The following PPEF2 variants were observed in gnomAD, a reference collection of about 807,000 sequenced individuals.
PPEF2 encodes protein phosphatase with EF-hand domain 2, also known as serine/threonine-protein phosphatase with EF-hands 2.
Under a neutral mutation model 84.7 loss-of-function variants are expected in PPEF2, and 84 were observed. That is an observed-to-expected ratio of 0.99 (90% CI 0.83 to 1.19). The LOEUF (loss-of-function observed/expected upper bound fraction) is 1.19. Among genes scored for constraint, PPEF2 ranks in the 50% most tolerant of loss-of-function variants. PPEF2 has a pLI of 0.00. For missense variants in PPEF2, 924 were observed against 937.5 expected, an observed-to-expected ratio of 0.99 and a Z score of 0.19; for synonymous variants, 346 against 345.2, an observed-to-expected ratio of 1.00 and a Z score of -0.03.
In PPEF2 at chr4:75,876,346, A is replaced by G. The variant is rs1013767100; in HGVS notation, c.1261T>C (p.Ser421Pro). The G allele has an allele frequency of 6.2e-7, 1 of 1,613,872 alleles. No homozygotes were observed. The highest frequency in any genetic ancestry group is 2.2e-5 in the East Asian group (1 of 44,856). ...GEKEEPSRSASEADSEAGELR... is the reference protein window; with the variant it reads ...GEKEEPSRSAPEADSEAGELR... ...TCTCCGGCTTCAGAGTCTGCTTCTG[A>G]GGCTGAGCGGGAGGGCTCCTCTTTC... The change falls in exon 11 of 17, where the codon TCA becomes CCA. Residue 421 changes from serine (S) to proline (P), a missense_variant. Ser to Pro is a moderately conservative substitution (Grantham distance 74, BLOSUM62 -1). Transcript: ENST00000286719.
rs1409416099 is a variant in PPEF2 at position 75,860,905 on chromosome 4, T to A, written c.2024A>T (p.Asp675Val). The change falls in exon 17 of 17, where the codon GAC (aspartate) becomes GTC (valine). Residue 675 changes from aspartate to valine, a missense_variant. Transcript: ENST00000286719. ...CAGCTTCCAGGTCTGCCTGAACTCG[T>A]CCAGTGAGATGAACCCTTATCAGAG... is the stretch of plus-strand genomic sequence containing the variant. Reference protein sequence around the residue: ...DSDHSGFISLDEFRQTWKLFS... With the variant: ...DSDHSGFISLVEFRQTWKLFS... 1 of 1,613,942 alleles carries A rather than the reference T, an allele frequency of 6.2e-7. No homozygotes were observed. Among genetic ancestry groups the A allele is most frequent in the Non-Finnish European group, 8.5e-7 (1 of 1,179,908 alleles).
At chr4:75,883,545 A>G (rs890782256) in intron 8 of PPEF2, 2 of 238,242 alleles carry the variant, frequency 8.4e-6, no homozygotes, top group Admixed American at 5.1e-5. Context: ...TGGGCTGGGC[A>G]TGGTGGCTCA....
intron 10 of PPEF2, among the ~76,000 whole-genome samples, chr4:75,877,714 C>T (rs1197340701): frequency 2.7e-5 from 4 of 150,420 alleles, no homozygotes; most frequent in African/African-American, 7.3e-5. Flanking sequence ...GGGGTATATG[C>T]GAAGGTTTTT....
intron 13 of PPEF2, among the ~76,000 whole-genome samples, chr4:75,870,774 T>C (rs989514057): frequency 6.6e-6 from 1 of 152,158 alleles, no homozygotes; most frequent in African/African-American, 2.4e-5. Context: ...TTAATAACAA[T>C]ATCTGTTGCA....
At chr4:75,883,847 G>A (rs13132374) in intron 8 of PPEF2, among the ~76,000 whole-genome samples, 109,776 of 126,672 alleles carry the variant, frequency 0.87, 50,477 homozygotes, top group Non-Finnish European at 0.99. Flanking sequence ...AAAAAAATCT[G>A]GGCTGGACAC....
chr4:75,866,442 T>C (rs1724133248), intron 14 of PPEF2, 90 bp from the exon 15 acceptor site: 1 of 1,474,502 alleles, frequency 6.8e-7, no homozygotes, highest in Non-Finnish European at 9.3e-7. Flanking sequence ...ACATCCTTCT[T>C]ACTATCTGCA....
intron 16 of PPEF2, among the ~76,000 whole-genome samples, chr4:75,862,881 C>G (rs1724039857): frequency 6.6e-6 from 1 of 152,078 alleles, no homozygotes; most frequent in Non-Finnish European, 1.5e-5. Context: ...TCATAATAGC[C>G]AAAAGTAGAA....
At chr4:75,891,141 A>T (rs1318997000) in intron 4 of PPEF2, among the ~76,000 whole-genome samples, 1 of 151,564 alleles carries the variant, frequency 6.6e-6, no homozygotes, top group Non-Finnish European at 1.5e-5. Flanking sequence ...AGATCATGCC[A>T]CTGCACTCCA....
chr4:75,893,862 C>CTT (rs6148525), intron 2 of PPEF2, among the ~76,000 whole-genome samples: 72,913 of 148,614 alleles, frequency 0.49, 20,025 homozygotes, highest in East Asian at 0.97. Context: ...TTTCATTCTC[C>CTT]CTCTTTTTTT....
In PPEF2 at chr4:75,902,425, A is replaced by G. The variant is rs1178929304; in HGVS notation, c.-254T>C. ...GTCTTCTTCCTGAAAAGCAATGGTG[A>G]CATTCACAGCCCTGGCCAAGTATTC... On this transcript the variant is annotated 5_prime_UTR_variant, in exon 1 of 17. Coordinates refer to ENST00000286719, the MANE Select transcript of PPEF2 (RefSeq NM_006239.3). The G allele has an allele frequency of 2.0e-5, 3 of 152,300 alleles. No homozygotes were observed. The highest frequency in any genetic ancestry group is 2.9e-5 in the Non-Finnish European group (2 of 68,102). 9.4% of individuals were successfully genotyped at this position (152,300 alleles called of 1,614,324 possible). A position where few individuals can be genotyped will look rare whatever the true frequency, so the allele number is the denominator to read the frequency against.
rs1725140055 is a variant in PPEF2, at chr4:75,902,315, C to T, written c.-144G>A. The stretch of plus-strand genomic sequence containing the variant: ...GCAGGCGTGATCCCCATCCTGTCTT[C>T]AGAGTTGGCTGAGGGATCCCAGGCT... On this transcript the variant is annotated 5_prime_UTR_variant, in exon 1 of 17. Coordinates refer to ENST00000286719, the MANE Select transcript of PPEF2 (RefSeq NM_006239.3). 6.6e-6 allele frequency: 1 copy of T among 152,236 alleles called. No individual in the cohort carries two copies. Among genetic ancestry groups the T allele is most frequent in the Admixed American group, 6.5e-5 (1 of 15,284 alleles). The allele number at this position is 152,236 out of a possible 1,614,324, so 9.4% of individuals were successfully genotyped here.
At position 75,860,696 on chromosome 4, in the gene PPEF2, T is replaced by A; in HGVS notation, c.2233A>T (p.Ser745Cys). Residue 745 changes from serine to cysteine, a missense_variant, in exon 17 of 17, where the codon AGT becomes TGT. Transcript: ENST00000286719. ...TGTGCACCTGGACTGCTGCAGCCAC[T>A]GTCTTTAGCATTTGTAGCTTGTGGG... is the stretch of plus-strand genomic sequence containing the variant. ...ECPQATNAKD[S>C]GCSSPGAH The A allele has an allele frequency of 2.5e-6, 4 of 1,614,226 alleles. No individual in the cohort carries two copies. The highest frequency in any genetic ancestry group is 3.4e-6 in the Non-Finnish European group (4 of 1,180,040).
In PPEF2 at chr4:75,860,821, C is replaced by T; in HGVS notation, c.2108G>A (p.Ser703Asn). The T allele has an allele frequency of 3.1e-6, 5 of 1,614,242 alleles. No individual in the cohort carries two copies. The highest frequency in any genetic ancestry group is 2.2e-5 in the East Asian group (1 of 44,882). The change falls in exon 17 of 17, where the codon AGC (serine) becomes AAC (asparagine). Residue 703 changes from serine to asparagine, a missense_variant. Ser to Asn is a conservative substitution (Grantham distance 46). Coordinates refer to ENST00000286719, the MANE Select transcript of PPEF2 (RefSeq NM_006239.3). Reference sequence around the variant, plus strand: ...GTGGCCATCTTTGTTGAAATCAATGCTCCGAGCAAGGTCACAGATGCAGTC... The same window carrying T: ...GTGGCCATCTTTGTTGAAATCAATGTTCCGAGCAAGGTCACAGATGCAGTC... ...TDDCICDLAR[S>N]IDFNKDGHID...
At chr4:75,884,300 T>C (rs1295364113) in intron 8 of PPEF2, among the ~76,000 whole-genome samples, 1 of 151,926 alleles carries the variant, frequency 6.6e-6, no homozygotes. Flanking sequence ...TGGTGGTGCG[T>C]GCCTGTAATC....
At position 75,864,311 on chromosome 4, in the gene PPEF2, C is replaced by T. The variant is rs1029520713; in HGVS notation, c.2008+129G>A. The T allele has an allele frequency of 4.3e-6, 3 of 703,620 alleles. No homozygotes were observed. The African/African-American group carries it at 5.4e-5, about 13-fold the overall frequency. The allele number at this position is 703,620 out of a possible 1,614,324, so 43.6% of individuals were successfully genotyped here. On this transcript the variant is annotated intron_variant, in intron 16 of 16. Coordinates refer to ENST00000286719, the MANE Select transcript of PPEF2 (RefSeq NM_006239.3). ...TCCTAGTTTCTGTCATTTATAAGCA[C>T]TAATCTTCTTACCTTGCTCTCCAAA...
chr4:75,896,320 T>C lies in PPEF2; in HGVS notation c.6A>G (p.Gly2=), dbSNP rs1313768678. ...AATGATGTTGGGTGGAGGTGCCGCT[T>C]CCCATAGTTTAAGCGCAATGCTCCT... is the stretch of plus-strand genomic sequence containing the variant. M[G]SGTSTQHHFA... is the part of the protein sequence containing the mutation. Residue 2 remains glycine (G), a synonymous_variant, in exon 2 of 17, where the codon GGA becomes GGG. Transcript: ENST00000286719. 6.2e-7 allele frequency: 1 copy of C among 1,614,148 alleles called. No homozygotes were observed. Among genetic ancestry groups the C allele is most frequent in the Admixed American group, 1.7e-5 (1 of 60,020 alleles).
chr4:75,876,529 G>A lies in PPEF2; in HGVS notation c.1078C>T (p.Arg360Trp), dbSNP rs267600259. ...TTCTGGGCCTTGTAGGAGCCAAGCC[G>A]AAGGGGCGAAGAGGGAAGAGAGCGG... ...ESRSLPSSPL[R>W]LGSYKAQKTS... is the part of the protein sequence containing the mutation. The change falls in exon 11 of 17, where the codon CGG becomes TGG. Residue 360 changes from arginine to tryptophan, a missense_variant. Coordinates refer to ENST00000286719, the MANE Select transcript of PPEF2 (RefSeq NM_006239.3). 5.0e-6 allele frequency: 8 copies of A among 1,613,972 alleles called. No homozygotes were observed. The highest frequency in any genetic ancestry group is 4.4e-5 in the South Asian group (4 of 91,058).
chr4:75,892,915 G>A (rs1373007525), intron 2 of PPEF2, among the ~76,000 whole-genome samples: 2 of 151,760 alleles, frequency 1.3e-5, no homozygotes, highest in African/African-American at 4.8e-5. Context: ...AAATCCTGCA[G>A]GCTGGATTAG....
chr4:75,883,279 A>C, intron 8 of PPEF2, 77 bp from the exon 9 acceptor site: 1 of 1,352,312 alleles, frequency 7.4e-7, no homozygotes, highest in Non-Finnish European at 1.1e-6. Flanking sequence ...TTTTAGAAGA[A>C]TGCATATTCT....
Sources: allele counts gnomAD v4.1 joint callset (sites outside exome capture counted in the v4.1 genomes callset), GRCh38; gene constraint gnomAD v4.1.1; transcripts MANE v1.5; gene names NCBI Gene and HGNC (gene_info 2026-07-23, HGNC 2026-07-21).